PARD3: variants seen among roughly 807,000 people sequenced by gnomAD.
The protein encoded by PARD3 is par-3 family cell polarity regulator.
PARD3 carries 75 observed loss-of-function variants against 155.4 expected under a neutral mutation model. That is an observed-to-expected ratio of 0.48 (90% CI 0.40 to 0.58). PARD3 has a LOEUF of 0.58. Ranked by LOEUF, PARD3 falls within the 20% of genes least tolerant of loss-of-function variation. PARD3 has a pLI of 0.00. For synonymous variants in PARD3, 576 were observed against 610.5 expected (o/e 0.94, Z 0.83); for missense variants, 1,642 against 1,721.7 (o/e 0.95, Z 0.82).
intron 2 of PARD3, among the ~76,000 whole-genome samples, chr10:34,541,708 A>T (rs2083623045): frequency 6.6e-6 from 1 of 152,222 alleles, no homozygotes; most frequent in African/African-American, 2.4e-5. Context: ...CAAGGAAAAC[A>T]ACATTTATTT....
At chr10:34,712,394 C>T (rs1030818589) in intron 1 of PARD3, among the ~76,000 whole-genome samples, 1 of 152,214 alleles carries the variant, frequency 6.6e-6, no homozygotes, top group African/African-American at 2.4e-5. Context: ...GGTGCTGCGC[C>T]CACCTCCTAA....
chr10:34,194,249 C>T (rs753834967), intron 22 of PARD3, among the ~76,000 whole-genome samples: 3 of 152,180 alleles, frequency 2.0e-5, no homozygotes, highest in Non-Finnish European at 2.9e-5. Flanking sequence ...ATAATGTTAT[C>T]TGGCAGATGG....
chr10:34,533,450 A>T (rs979737695), intron 2 of PARD3, among the ~76,000 whole-genome samples: 5 of 152,078 alleles, frequency 3.3e-5, no homozygotes, highest in Non-Finnish European at 5.9e-5. Flanking sequence ...ATATTTTTTT[A>T]AAAAAGCAAT....
chr10:34,118,983 C>T (rs1472405845), intron 24 of PARD3, among the ~76,000 whole-genome samples: 3 of 152,156 alleles, frequency 2.0e-5, no homozygotes, highest in Non-Finnish European at 4.4e-5. Context: ...ACTCAGTCAC[C>T]CTGAGACCCT....
chr10:34,421,273 T>G (rs1846158739), intron 5 of PARD3, among the ~76,000 whole-genome samples: 2 of 151,612 alleles, frequency 1.3e-5, no homozygotes, highest in South Asian at 4.2e-4. Context: ...TTAACATATA[T>G]AAGTTATTGT....
At chr10:34,720,414 G>A (rs1228974317) in intron 1 of PARD3, among the ~76,000 whole-genome samples, 2 of 122,660 alleles carry the variant, frequency 1.6e-5, no homozygotes, top group African/African-American at 6.5e-5. Context: ...TCATACCACT[G>A]CACTATAGCC....
At chr10:34,114,964 A>G (rs1946584508) in intron 24 of PARD3, among the ~76,000 whole-genome samples, 1 of 152,176 alleles carries the variant, frequency 6.6e-6, no homozygotes, top group Non-Finnish European at 1.5e-5. Flanking sequence ...ACCACGTACC[A>G]TGGTTTGGCA....
At chr10:34,261,190 T>C (rs536094985) in intron 22 of PARD3, among the ~76,000 whole-genome samples, 25 of 152,302 alleles carry the variant, frequency 1.6e-4, no homozygotes, top group Non-Finnish European at 2.9e-4. Context: ...CAAATGTCCA[T>C]TAAAGCTGTC....
intron 3 of PARD3, among the ~76,000 whole-genome samples, chr10:34,500,118 C>A (rs745469314): frequency 6.6e-6 from 1 of 152,214 alleles, no homozygotes; most frequent in Middle Eastern, 3.4e-3. Flanking sequence ...TTGCTGAATG[C>A]AAAGCATCAA....
At chr10:34,318,184 C>T (rs147897797) in intron 19 of PARD3, among the ~76,000 whole-genome samples, 19 of 152,246 alleles carry the variant, frequency 1.2e-4, no homozygotes, top group East Asian at 1.2e-3. Flanking sequence ...GTTGAAAGAA[C>T]GACAAGTAAC....
chr10:34,305,057 T>C (rs1371490515), intron 20 of PARD3, among the ~76,000 whole-genome samples: 1 of 152,240 alleles, frequency 6.6e-6, no homozygotes, highest in African/African-American at 2.4e-5. Flanking sequence ...GTTCAGTTCA[T>C]TTCAAAGTAT....
chr10:34,699,840 A>T (rs1457756125), intron 1 of PARD3, among the ~76,000 whole-genome samples: 3 of 152,138 alleles, frequency 2.0e-5, no homozygotes, highest in Non-Finnish European at 4.4e-5. Context: ...GTATCACTGC[A>T]CTCCAGCCTG....
chr10:34,411,919 CGTGTGTGTGT>C (rs61517279), intron 5 of PARD3, among the ~76,000 whole-genome samples: 30,747 of 141,040 alleles, frequency 0.22, 3,301 homozygotes, highest in South Asian at 0.38. Context: ...ATAAGCTAGT[CGTGTGTGTGT>C]GTGTGTGTGT....
chr10:34,391,759 C>A (rs1842890274), intron 7 of PARD3, among the ~76,000 whole-genome samples: 1 of 152,188 alleles, frequency 6.6e-6, no homozygotes, highest in Non-Finnish European at 1.5e-5. Flanking sequence ...TCTAATTAAT[C>A]TATATTCAGG....
intron 3 of PARD3, among the ~76,000 whole-genome samples, chr10:34,471,779 G>C (rs1395669065): frequency 6.6e-6 from 1 of 152,136 alleles, no homozygotes; most frequent in Non-Finnish European, 1.5e-5. Flanking sequence ...GGCTGGTCTT[G>C]AACTCCTGAC....
intron 12 of PARD3, among the ~76,000 whole-genome samples, chr10:34,369,490 C>A (rs949579072): frequency 1.3e-5 from 2 of 152,132 alleles, no homozygotes; most frequent in Admixed American, 6.5e-5. Flanking sequence ...ATAAGATAAT[C>A]CACATAAAGA....
At chr10:34,604,334 C>T (rs911428753) in intron 2 of PARD3, among the ~76,000 whole-genome samples, 1 of 151,872 alleles carries the variant, frequency 6.6e-6, no homozygotes, top group Admixed American at 6.6e-5. Flanking sequence ...ATATGGTGGG[C>T]GAAATGTAGT....
chr10:34,448,433 T>C (rs1020266306), intron 5 of PARD3, among the ~76,000 whole-genome samples: 1 of 152,018 alleles, frequency 6.6e-6, no homozygotes, highest in East Asian at 1.9e-4. Flanking sequence ...AAACTTTCAA[T>C]TGTAAGATGA....
At chr10:34,191,327 G>A (rs890569895) in intron 22 of PARD3, among the ~76,000 whole-genome samples, 5 of 152,034 alleles carry the variant, frequency 3.3e-5, no homozygotes, top group African/African-American at 7.2e-5. Flanking sequence ...GGTGAATGTG[G>A]GGTATCCAGG....
Sources: gnomAD v4.1 joint callset for allele counts (sites outside exome capture counted in the v4.1 genomes callset) on GRCh38, gnomAD v4.1.1 for gene constraint, MANE v1.5 for transcripts, NCBI Gene and HGNC (gene_info 2026-07-23, HGNC 2026-07-21) for gene names.